DGKB: variants seen among roughly 807,000 people sequenced by gnomAD.
DGKB encodes the protein 90 kDa diacylglycerol kinase.
Under a neutral mutation model 114.3 loss-of-function variants are expected in DGKB, and 67 were observed. The observed-to-expected ratio is 0.59, with a 90% confidence interval of 0.48 to 0.72. The LOEUF is 0.72. Ranked by LOEUF, DGKB falls within the 30% of genes least tolerant of loss-of-function variation. DGKB has a pLI of 0.00. For missense variants in DGKB, 907 were observed against 975.2 expected (o/e 0.93, Z 0.93); for synonymous variants, 398 against 323.1 (o/e 1.23, Z -2.49).
rs1415676574 is a variant in DGKB at position 14,682,556 on chromosome 7, G to T, written c.1032C>A (p.Ile344=). The change falls in exon 12 of 26, where the codon ATC becomes ATA. Residue 344 remains isoleucine, a synonymous_variant. Transcript: ENST00000402815. ...TTGTTTTCCAATTTTTACTCACTGTGATCTGACACCAAACACAATGCAGTC... is the reference window on the plus strand; with the variant it reads ...TTGTTTTCCAATTTTTACTCACTGTTATCTGACACCAAACACAATGCAGTC... The part of the protein sequence containing the change: ...LTGLHCVWCQ[I]TLHNKCASHL... 6.2e-7 allele frequency: 1 copy of T among 1,607,988 alleles called. No homozygotes were observed. Among genetic ancestry groups the T allele is most frequent in the South Asian group, 1.1e-5 (1 of 90,894 alleles).
rs541587040 is a variant in DGKB at position 14,356,385 on chromosome 7, G to A, written c.1836-10994C>T. 2.2e-3 allele frequency among the ~76,000 whole-genome samples: 247 copies of A among 114,186 alleles called. 1 individual carries two copies. Among genetic ancestry groups the A allele is most frequent in the Admixed American group, 3.4e-3 (29 of 8,626 alleles). 74.9% of individuals were successfully genotyped at this position (114,186 alleles called of 152,430 possible). On this transcript the variant is annotated intron_variant, in intron 21 of 25. Transcript: ENST00000402815. ...TTTTTTTTTTTTTTTTTTTTGAGAC[G>A]GAGTCTCGCTCTATTGCCCAGGCTG...
chr7:14,869,962 G>A (rs1048827472), intron 1 of DGKB, among the ~76,000 whole-genome samples: 3 of 151,960 alleles, frequency 2.0e-5, no homozygotes, highest in Non-Finnish European at 4.4e-5. Context: ...ACTCTCTCCT[G>A]ACTTCTCCAA....
chr7:14,242,747 T>C (rs892464323), intron 23 of DGKB, among the ~76,000 whole-genome samples: 4 of 152,154 alleles, frequency 2.6e-5, no homozygotes, highest in African/African-American at 9.7e-5. Context: ...AATTCACCTA[T>C]ACCCTTCATA....
At chr7:14,454,526 A>G (rs570241783) in intron 21 of DGKB, among the ~76,000 whole-genome samples, 2 of 152,196 alleles carry the variant, frequency 1.3e-5, no homozygotes, top group Admixed American at 1.3e-4. Context: ...GAATTATAAT[A>G]TGGCTTTTAA....
intron 20 of DGKB, among the ~76,000 whole-genome samples, chr7:14,538,943 A>G (rs1353959662): frequency 1.3e-5 from 2 of 152,162 alleles, no homozygotes; most frequent in African/African-American, 4.8e-5. Flanking sequence ...GTATAGAAAT[A>G]GATAGTAAAA....
chr7:14,481,140 A>G lies in DGKB; in HGVS notation c.1771-2915T>C, dbSNP rs1255724867. ...AACTTTTCTTGCTACGTGTACATAT[A>G]TAAGTATATGCAAATATATGTATAT... On this transcript the variant is annotated intron_variant, in intron 20 of 25. Coordinates refer to ENST00000402815, the MANE Select transcript of DGKB (RefSeq NM_001350709.2). Among the ~76,000 whole-genome samples, 6 of 151,986 alleles carry G rather than the reference A, an allele frequency of 3.9e-5. No individual in the cohort carries two copies. The East Asian group carries it at 7.7e-4, about 19-fold the overall frequency.
At chr7:14,837,477 G>A (rs1427722680) in intron 2 of DGKB, among the ~76,000 whole-genome samples, 2 of 152,126 alleles carry the variant, frequency 1.3e-5, no homozygotes, top group African/African-American at 4.8e-5. Flanking sequence ...TTCCAAGAAA[G>A]CAAATAAAAT....
intron 13 of DGKB, among the ~76,000 whole-genome samples, chr7:14,634,010 G>C (rs1262613772): frequency 1.3e-5 from 2 of 151,334 alleles, no homozygotes; most frequent in African/African-American, 2.4e-5. Flanking sequence ...AAAAATCTTT[G>C]GTGGAGATTA....
At chr7:14,890,503 T>C (rs1174801405) in intron 1 of DGKB, among the ~76,000 whole-genome samples, 1 of 151,428 alleles carries the variant, frequency 6.6e-6, no homozygotes, top group Non-Finnish European at 1.5e-5. Flanking sequence ...AATGAAGTCC[T>C]AGCACAAGTG....
rs372236975 is a variant in DGKB, at chr7:14,448,071, T to C, written c.1835+30090A>G. On this transcript the variant is annotated intron_variant, in intron 21 of 25. Coordinates refer to ENST00000402815, the MANE Select transcript of DGKB (RefSeq NM_001350709.2). ...ATTAGTTTTCTCATTCTCCATAAAT[T>C]TATTGAGCAGTTTTGTGTGCAAGAC... Among the ~76,000 whole-genome samples the C allele has an allele frequency of 7.2e-5, 11 of 152,176 alleles. No homozygotes were observed. In the East Asian group the frequency reaches 2.1e-3, roughly 29 times the overall value.
Position 14,703,898 on chromosome 7 carries a change from T to C in DGKB, c.467-2168A>G, listed in dbSNP as rs77771892. 1.2e-4 allele frequency among the ~76,000 whole-genome samples: 19 copies of C among 152,318 alleles called. No homozygotes were observed. The East Asian group carries it at 3.7e-3, about 29-fold the overall frequency. On this transcript the variant is annotated intron_variant, in intron 6 of 25. Transcript: ENST00000402815. ...TCCCAAGGATAGTGTGTACTTAACGTTGGTTTTAAAAATGAACTTACTATT... is the reference window on the plus strand; with the variant it reads ...TCCCAAGGATAGTGTGTACTTAACGCTGGTTTTAAAAATGAACTTACTATT...
intron 21 of DGKB, among the ~76,000 whole-genome samples, chr7:14,431,576 T>C (rs1269021688): frequency 6.6e-6 from 1 of 152,148 alleles, no homozygotes; most frequent in East Asian, 1.9e-4. Flanking sequence ...CAAACAACAC[T>C]GTTTACTTTC....
intron 23 of DGKB, among the ~76,000 whole-genome samples, chr7:14,324,095 T>C (rs578120221): frequency 6.6e-6 from 1 of 152,276 alleles, no homozygotes; most frequent in South Asian, 2.1e-4. Flanking sequence ...GATAAAAGCA[T>C]AATCTCTTCA....
intron 20 of DGKB, among the ~76,000 whole-genome samples, chr7:14,480,841 T>C (rs1782880058): frequency 1.3e-5 from 2 of 152,100 alleles, no homozygotes; most frequent in Admixed American, 1.3e-4. Flanking sequence ...TCTATAGCAA[T>C]TGGAACAGTA....
At chr7:14,854,600 C>T (rs1025302985) in intron 1 of DGKB, among the ~76,000 whole-genome samples, 12 of 152,110 alleles carry the variant, frequency 7.9e-5, no homozygotes, top group East Asian at 3.9e-4. Flanking sequence ...GAATCTAATG[C>T]GGCTGCTGAT....
chr7:14,635,195 C>G (rs1156969269), intron 13 of DGKB, among the ~76,000 whole-genome samples: 1 of 144,810 alleles, frequency 6.9e-6, no homozygotes, highest in Admixed American at 6.8e-5. Context: ...GTGGTTACTT[C>G]ACTACCCTTC....
chr7:14,577,382 T>A (rs753676749), intron 19 of DGKB, among the ~76,000 whole-genome samples: 1 of 151,792 alleles, frequency 6.6e-6, no homozygotes, highest in Non-Finnish European at 1.5e-5. Context: ...CTTTGGGAGG[T>A]CAAGGCGGGT....
intron 4 of DGKB, among the ~76,000 whole-genome samples, chr7:14,742,569 G>A (rs1832728817): frequency 1.3e-5 from 2 of 152,286 alleles, no homozygotes; most frequent in Admixed American, 6.5e-5. Flanking sequence ...GTTGTAAACT[G>A]CTTCTTTGGC....
chr7:14,626,208 A>T (rs1489712858), intron 14 of DGKB, among the ~76,000 whole-genome samples: 1 of 152,190 alleles, frequency 6.6e-6, no homozygotes, highest in African/African-American at 2.4e-5. Flanking sequence ...GCCTGCTGTT[A>T]TCGATCGCTG....
Sources: allele counts gnomAD v4.1 joint callset (sites outside exome capture counted in the v4.1 genomes callset), GRCh38; gene constraint gnomAD v4.1.1; transcripts MANE v1.5; gene names NCBI Gene and HGNC (gene_info 2026-07-23, HGNC 2026-07-21).